Variants in RPRD2 observed in about 807,000 individuals in gnomAD.
The protein encoded by RPRD2 is regulation of nuclear pre-mRNA domain-containing protein 2.
Under a neutral mutation model 104.4 loss-of-function variants are expected in RPRD2, and 12 were observed. The ratio of observed to expected loss-of-function variants is 0.11; its 90% CI spans 0.07 to 0.19. The LOEUF is 0.19. Ranked by LOEUF, RPRD2 falls within the 10% of genes least tolerant of loss-of-function variation. The pLI is 1.00. For missense variants in RPRD2, 1,543 were observed against 1,790.1 expected (o/e 0.86, Z 2.49); for synonymous variants, 714 against 684.9 (o/e 1.04, Z -0.66).
intron 10 of RPRD2, among the ~76,000 whole-genome samples, chr1:150,470,055 G>T (rs1249834515): frequency 6.6e-6 from 1 of 151,894 alleles, no homozygotes; most frequent in Non-Finnish European, 1.5e-5. Context: ...CCTGTCTCCC[G>T]CTTGAAAATA....
At chr1:150,433,914 A>G (rs1665822115) in intron 2 of RPRD2, among the ~76,000 whole-genome samples, 1 of 135,544 alleles carries the variant, frequency 7.4e-6, no homozygotes, top group Non-Finnish European at 1.7e-5. Flanking sequence ...GTATGTATAT[A>G]TAGTGTGTAT....
chr1:150,386,609 G>A (rs12735903), intron 1 of RPRD2, among the ~76,000 whole-genome samples: 13,075 of 152,032 alleles, frequency 0.086, 686 homozygotes, highest in African/African-American at 0.11. Flanking sequence ...TGCTTCTTTG[G>A]AGCACTTTTA....
intron 1 of RPRD2, among the ~76,000 whole-genome samples, chr1:150,413,861 G>A (rs1553888085): frequency 6.6e-6 from 1 of 151,728 alleles, no homozygotes; most frequent in African/African-American, 2.4e-5. Context: ...GGAGGCAGAG[G>A]TTGCGGTGAG....
intron 4 of RPRD2, among the ~76,000 whole-genome samples, chr1:150,442,780 T>A (rs1666492576): frequency 6.6e-6 from 1 of 152,184 alleles, no homozygotes; most frequent in Non-Finnish European, 1.5e-5. Context: ...TTGCTATGAA[T>A]TGAGTCAGCA....
In RPRD2 at chr1:150,472,809, C is replaced by T. The variant is rs763853889; in HGVS notation, c.3861C>T (p.Val1287=). The T allele has an allele frequency of 1.2e-6, 2 of 1,610,310 alleles. No individual in the cohort carries two copies. The highest frequency in any genetic ancestry group is 4.5e-5 in the East Asian group (2 of 44,812). ...GEHSSSGGSG[V]PFSTPPPPPP... ...ATAGCAGCAGTGGTGGGAGTGGTGT[C>T]CCCTTTTCTACTCCACCCCCTCCTC... Residue 1287 remains valine (V), a synonymous_variant, in exon 11 of 11, where the codon GTC becomes GTT. Coordinates refer to ENST00000369068, the MANE Select transcript of RPRD2 (RefSeq NM_015203.5).
At chr1:150,441,138 C>T (rs1167253295) in intron 3 of RPRD2, 115 bp downstream of exon 3, 19 of 541,870 alleles carry the variant, frequency 3.5e-5, no homozygotes, top group Admixed American at 7.6e-5. Flanking sequence ...TGAATCTAGC[C>T]CTATTTGTTT....
Position 150,472,668 on chromosome 1 carries a change from T to G in RPRD2, c.3720T>G (p.Leu1240=). 2.5e-6 allele frequency: 4 copies of G among 1,613,840 alleles called. No individual in the cohort carries two copies. Among genetic ancestry groups the G allele is most frequent in the Non-Finnish European group, 3.4e-6 (4 of 1,179,776 alleles). The change falls in exon 11 of 11, where the codon CTT becomes CTG. Residue 1240 remains leucine (L), a synonymous_variant. Coordinates refer to ENST00000369068, the MANE Select transcript of RPRD2 (RefSeq NM_015203.5). ...DAPTHLPSVD[L]SNPFTKEAAL... ...CCACTCATCTACCCTCTGTGGATCT[T>G]TCGAACCCCTTCACAAAGGAGGCAG...
At chr1:150,410,927 A>G (rs1178237533) in intron 1 of RPRD2, among the ~76,000 whole-genome samples, 1 of 152,140 alleles carries the variant, frequency 6.6e-6, no homozygotes, top group Non-Finnish European at 1.5e-5. Context: ...CAGTGGGGCG[A>G]TTGTGGCTCA....
intron 2 of RPRD2, among the ~76,000 whole-genome samples, chr1:150,433,924 TACACAC>T (rs71667950): frequency 5.6e-5 from 8 of 141,692 alleles, no homozygotes; most frequent in African/African-American, 1.9e-4. Context: ...ATAGTGTGTA[TACACAC>T]ACACACACAC....
intron 1 of RPRD2, among the ~76,000 whole-genome samples, chr1:150,373,630 A>G (rs115584674): frequency 0.036 from 5,226 of 146,584 alleles, 105 homozygotes; most frequent in Non-Finnish European, 0.051. Context: ...GATTTTGGGA[A>G]GAAGATGAGA....
rs1460606711 is a variant in RPRD2 at position 150,470,809 on chromosome 1, A to G, written c.1861A>G (p.Thr621Ala). The G allele has an allele frequency of 6.2e-7, 1 of 1,614,004 alleles. No homozygotes were observed. The highest frequency in any genetic ancestry group is 1.1e-5 in the South Asian group (1 of 91,090). ...GCAAAGCCCAGGGCTCCCAAGCACT[A>G]CTTTTAAACTACCTTCCAACTCTTT... ...IGQSPGLPST[T>A]FKLPSNSLGF... The change falls in exon 11 of 11, where the codon ACT becomes GCT. Residue 621 changes from threonine (T) to alanine (A), a missense_variant. Thr to Ala is a moderately conservative substitution (Grantham distance 58). Coordinates refer to ENST00000369068, the MANE Select transcript of RPRD2 (RefSeq NM_015203.5).
At chr1:150,436,144 AACAC>A (rs1553893024) in intron 2 of RPRD2, among the ~76,000 whole-genome samples, 1 of 152,024 alleles carries the variant, frequency 6.6e-6, no homozygotes, top group African/African-American at 2.4e-5. Flanking sequence ...AAAAAAAAAA[AACAC>A]AGATTCTTTA....
chr1:150,459,354 C>T (rs1390375873), intron 8 of RPRD2, among the ~76,000 whole-genome samples: 1 of 152,110 alleles, frequency 6.6e-6, no homozygotes, highest in Non-Finnish European at 1.5e-5. Context: ...GAGGAAAATA[C>T]AATGAACACT....
chr1:150,465,829 C>T (rs1337260973), intron 10 of RPRD2, among the ~76,000 whole-genome samples: 1 of 151,792 alleles, frequency 6.6e-6, no homozygotes, highest in Admixed American at 6.6e-5. Flanking sequence ...GAGGCTGAGG[C>T]GGGCAGATCA....
chr1:150,431,085 C>T (rs1553891593), intron 2 of RPRD2, among the ~76,000 whole-genome samples: 2 of 152,074 alleles, frequency 1.3e-5, no homozygotes. Flanking sequence ...TTAAAAGCAT[C>T]CAGAGTTTAC....
Position 150,473,431 on chromosome 1 carries a change from A to G in RPRD2, c.*97A>G. ...GTTTTTATTTGTTTTCTCTTTCTCG[A>G]TTTTTTTTTTATTATAACAAAGGGC... On this transcript the variant is annotated 3_prime_UTR_variant, in exon 11 of 11. Transcript: ENST00000369068. 2 of 1,177,762 alleles carry G rather than the reference A, an allele frequency of 1.7e-6. No individual in the cohort carries two copies. The highest frequency in any genetic ancestry group is 2.3e-6 in the Non-Finnish European group (2 of 868,156). 73.0% of individuals were successfully genotyped at this position (1,177,762 alleles called of 1,614,324 possible).
intron 1 of RPRD2, among the ~76,000 whole-genome samples, chr1:150,415,761 GA>G (rs1281666107): frequency 6.6e-6 from 1 of 152,206 alleles, no homozygotes; most frequent in Non-Finnish European, 1.5e-5. Context: ...TAGAGTCTAG[GA>G]AACAGTACGT....
intron 1 of RPRD2, among the ~76,000 whole-genome samples, chr1:150,367,345 A>G (rs782281822): frequency 5.9e-5 from 9 of 151,998 alleles, no homozygotes; most frequent in Admixed American, 1.3e-4. Flanking sequence ...CTTTACAGTT[A>G]TACTTAGTTT....
chr1:150,376,935 G>T (rs913022992), intron 1 of RPRD2, among the ~76,000 whole-genome samples: 3 of 151,620 alleles, frequency 2.0e-5, no homozygotes, highest in Admixed American at 2.0e-4. Flanking sequence ...TGCTGGCCGG[G>T]CGCTGTGGCT....
Sources: gnomAD v4.1 joint callset for allele counts (sites outside exome capture counted in the v4.1 genomes callset) on GRCh38, gnomAD v4.1.1 for gene constraint, MANE v1.5 for transcripts, NCBI Gene and HGNC (gene_info 2026-07-23, HGNC 2026-07-21) for gene names.